The following MPDZ variants were observed in gnomAD, a reference collection of about 807,000 sequenced individuals.
MPDZ encodes multiple PDZ domain protein.
In MPDZ, 234 loss-of-function variants were observed where a neutral mutation model predicts 239.1. The ratio of observed to expected loss-of-function variants is 0.98; its 90% confidence interval spans 0.88 to 1.09. MPDZ has a LOEUF of 1.09. Among genes scored for constraint, MPDZ ranks in the 50% least tolerant of loss-of-function variants. The probability of loss-of-function intolerance (pLI) is 0.00; values close to 1 mark genes in which losing one functional copy is unlikely to be tolerated. For missense variants in MPDZ, 3,175 were observed against 2,510.0 expected (o/e 1.26, Z -5.66); for synonymous variants, 1,048 against 881.3 (o/e 1.19, Z -3.35).
intron 8 of MPDZ, among the ~76,000 whole-genome samples, chr9:13,218,499 G>T (rs1030436112): frequency 1.3e-5 from 2 of 151,804 alleles, no homozygotes; most frequent in African/African-American, 2.4e-5. Flanking sequence ...TACCATAAAA[G>T]AATGCCATTT....
At chr9:13,212,791 TAA>T (rs145889448) in intron 10 of MPDZ, among the ~76,000 whole-genome samples, 22 of 110,568 alleles carry the variant, frequency 2.0e-4, no homozygotes, top group African/African-American at 2.8e-4. Flanking sequence ...GGTCAAGGTT[TAA>T]AAAAAAAAAA....
At chr9:13,127,707 T>C (rs1945328721) in intron 32 of MPDZ, among the ~76,000 whole-genome samples, 1 of 152,190 alleles carries the variant, frequency 6.6e-6, no homozygotes, top group Non-Finnish European at 1.5e-5. Context: ...CTGAGGTAGA[T>C]TATTAATGCC....
intron 1 of MPDZ, among the ~76,000 whole-genome samples, chr9:13,260,364 G>A (rs1022833145): frequency 6.6e-6 from 1 of 152,152 alleles, no homozygotes; most frequent in Admixed American, 6.5e-5. Flanking sequence ...TGGTAATATG[G>A]AGGTAAGGAA....
intron 23 of MPDZ, among the ~76,000 whole-genome samples, chr9:13,159,861 G>T (rs1187201170): frequency 1.3e-5 from 2 of 152,174 alleles, no homozygotes; most frequent in East Asian, 3.9e-4. Context: ...TTAGTGTGTG[G>T]TTTCAGGGAC....
intron 39 of MPDZ, 106 bp downstream of exon 39, chr9:13,119,396 C>G (rs966809878): frequency 2.6e-5 from 36 of 1,375,736 alleles, no homozygotes; most frequent in Non-Finnish European, 4.9e-6. Context: ...TGAGGTGACA[C>G]TTTAAATAAA....
chr9:13,244,624 C>T (rs576861468), intron 3 of MPDZ, among the ~76,000 whole-genome samples: 48 of 152,216 alleles, frequency 3.2e-4, no homozygotes, highest in African/African-American at 1.1e-3. Flanking sequence ...ATAGCACATC[C>T]CTTCAGGGCA....
Position 13,246,326 on chromosome 9 carries a change from C to T in MPDZ, c.183+1309G>A, listed in dbSNP as rs187816068. Among the ~76,000 whole-genome samples the T allele has an allele frequency of 1.6e-3, 251 of 152,212 alleles. 2 individuals are homozygous for T. Among genetic ancestry groups the T allele is most frequent in the African/African-American group, 5.9e-3 (243 of 41,528 alleles). ...GCGTGGTGGCAGGCACCTATAATCC[C>T]AGCTAGTCAGGAGGCTGAGGCAGGA... On this transcript the variant is annotated intron_variant, in intron 3 of 46. Transcript: ENST00000319217.
chr9:13,251,769 G>C (rs1032139212), intron 1 of MPDZ, among the ~76,000 whole-genome samples: 2 of 152,190 alleles, frequency 1.3e-5, no homozygotes, highest in Non-Finnish European at 2.9e-5. Flanking sequence ...AGTACGTATT[G>C]ATTTGCCTTA....
intron 3 of MPDZ, among the ~76,000 whole-genome samples, chr9:13,233,937 T>C (rs998513457): frequency 2.0e-5 from 3 of 152,144 alleles, no homozygotes; most frequent in African/African-American, 7.2e-5. Context: ...CTAATTCCCA[T>C]TCCCAGAAGG....
At chr9:13,122,959 A>C (rs1046717520) in intron 36 of MPDZ, among the ~76,000 whole-genome samples, 194 bp downstream of exon 36, 1 of 152,220 alleles carries the variant, frequency 6.6e-6, no homozygotes, top group East Asian at 1.9e-4. Flanking sequence ...TGCTGAGTCA[A>C]TATTTATTGG....
At chr9:13,147,514 G>C (rs1361852639) in intron 26 of MPDZ, 34 bp downstream of exon 26, 5 of 1,496,244 alleles carry the variant, frequency 3.3e-6, no homozygotes, top group Middle Eastern at 1.7e-4. Context: ...AACACTGTTT[G>C]GATATGCCTA....
At chr9:13,198,537 T>C (rs1056820472) in intron 12 of MPDZ, among the ~76,000 whole-genome samples, 5 of 151,864 alleles carry the variant, frequency 3.3e-5, no homozygotes, top group Admixed American at 2.0e-4. Flanking sequence ...ATTCTTTGGG[T>C]TGTCTATTTA....
At chr9:13,209,952 A>G (rs532781110) in intron 10 of MPDZ, among the ~76,000 whole-genome samples, 25 of 151,944 alleles carry the variant, frequency 1.6e-4, no homozygotes, top group East Asian at 5.8e-4. Context: ...AAAAGAAATT[A>G]TAAGGAGAAG....
chr9:13,278,315 G>C (rs1322872311), intron 1 of MPDZ, among the ~76,000 whole-genome samples: 1 of 152,116 alleles, frequency 6.6e-6, no homozygotes. Flanking sequence ...GCCCATTGCC[G>C]GGGTCTTCCC....
At chr9:13,152,241 C>T (rs72706362) in intron 24 of MPDZ, among the ~76,000 whole-genome samples, 80,347 of 151,848 alleles carry the variant, frequency 0.53, 23,674 homozygotes, top group Non-Finnish European at 0.66. Context: ...GCAGTGACTG[C>T]CAAAATCCTA....
chr9:13,178,047 G>A (rs1252476462), intron 19 of MPDZ, among the ~76,000 whole-genome samples: 4 of 151,952 alleles, frequency 2.6e-5, no homozygotes, highest in African/African-American at 4.8e-5. Context: ...CTCGTGATTC[G>A]CCTGCCTCGG....
chr9:13,118,841 G>A (rs1345485860), intron 39 of MPDZ, among the ~76,000 whole-genome samples: 1 of 152,162 alleles, frequency 6.6e-6, no homozygotes, highest in Admixed American at 6.5e-5. Flanking sequence ...TGCTTTGGAG[G>A]AAACCAATTT....
Position 13,219,614 on chromosome 9 carries a change from G to C in MPDZ, c.1031C>G (p.Pro344Arg). Residue 344 changes from proline (P) to arginine (R), a missense_variant, in exon 8 of 47, where the codon CCC becomes CGC. Transcript: ENST00000319217. ...GGAGAGGGTGATGCCCAAAGCAGTG[G>C]GTGCTGTACGTTCTTCTATGGCACC... ...ARGAIEERTA[P>R]TALGITLSSS... 6.2e-7 allele frequency: 1 copy of C among 1,612,266 alleles called. No homozygotes were observed. The highest frequency in any genetic ancestry group is 8.5e-7 in the Non-Finnish European group (1 of 1,179,044).
chr9:13,154,333 G>GA (rs201826943), intron 24 of MPDZ, among the ~76,000 whole-genome samples: 1,786 of 151,732 alleles, frequency 0.012, 45 homozygotes, highest in African/African-American at 0.041. Context: ...GTTATGTAGG[G>GA]AAAAAAAAGG....
Sources: allele counts gnomAD v4.1 joint callset (sites outside exome capture counted in the v4.1 genomes callset), GRCh38; gene constraint gnomAD v4.1.1; transcripts MANE v1.5; gene names NCBI Gene and HGNC (gene_info 2026-07-23, HGNC 2026-07-21).